SPOCK3: variants seen among roughly 807,000 people sequenced by gnomAD.
SPOCK3 encodes the protein testican-3.
Under a neutral mutation model 56.6 loss-of-function variants are expected in SPOCK3, and 30 were observed. The observed-to-expected ratio is 0.53, with a 90% CI of 0.40 to 0.72. SPOCK3 has a LOEUF of 0.72. SPOCK3 is among the 30% of genes least tolerant of loss of function. The probability of loss-of-function intolerance (pLI) is 0.00; values close to 1 mark genes in which losing one functional copy is unlikely to be tolerated. For synonymous variants in SPOCK3, 196 were observed against 183.3 expected (o/e 1.07, Z -0.56); for missense variants, 527 against 530.0 (o/e 0.99, Z 0.06).
chr4:167,131,313 C>T (rs1300014286), intron 2 of SPOCK3, among the ~76,000 whole-genome samples: 1 of 152,118 alleles, frequency 6.6e-6, no homozygotes. Flanking sequence ...TAGGACTGGG[C>T]ATGGTGGCTG....
At chr4:166,841,360 CAAAAGA>C (rs1365680257) in intron 6 of SPOCK3, among the ~76,000 whole-genome samples, 1 of 151,330 alleles carries the variant, frequency 6.6e-6, no homozygotes, top group Non-Finnish European at 1.5e-5. Flanking sequence ...TAGATGCAAG[CAAAAGA>C]AAAACAATTT....
At chr4:167,075,011 C>T (rs1486856624) in intron 2 of SPOCK3, among the ~76,000 whole-genome samples, 1 of 151,802 alleles carries the variant, frequency 6.6e-6, no homozygotes, top group East Asian at 1.9e-4. Flanking sequence ...ATTCCATTTC[C>T]ACTCTTAGTT....
chr4:167,034,256 C>T (rs912189463), intron 3 of SPOCK3, among the ~76,000 whole-genome samples: 23 of 151,394 alleles, frequency 1.5e-4, no homozygotes, highest in African/African-American at 5.6e-4. Context: ...GCAAAAAAGG[C>T]ATTCTGAAAC....
At chr4:167,018,989 C>G (rs1235047062) in intron 3 of SPOCK3, among the ~76,000 whole-genome samples, 1 of 152,022 alleles carries the variant, frequency 6.6e-6, no homozygotes, top group Non-Finnish European at 1.5e-5. Context: ...ACAAGTCTCT[C>G]CAAGTGAGCA....
At chr4:167,054,909 G>T (rs550964292) in intron 3 of SPOCK3, among the ~76,000 whole-genome samples, 1 of 151,922 alleles carries the variant, frequency 6.6e-6, no homozygotes, top group South Asian at 2.1e-4. Flanking sequence ...TGTATGTATT[G>T]GTATGCATAT....
intron 2 of SPOCK3, among the ~76,000 whole-genome samples, chr4:167,113,908 A>G (rs1761120360): frequency 6.6e-6 from 1 of 152,138 alleles, no homozygotes; most frequent in African/African-American, 2.4e-5. Flanking sequence ...ATAAGAAGCC[A>G]TTCAGGAAGG....
At chr4:166,869,194 G>A (rs1262392183) in intron 6 of SPOCK3, among the ~76,000 whole-genome samples, 1 of 131,938 alleles carries the variant, frequency 7.6e-6, no homozygotes, top group East Asian at 1.9e-4. Flanking sequence ...TAGCTAAAAG[G>A]ACAGTGCTGC....
At chr4:167,167,105 C>T (rs892379411) in intron 2 of SPOCK3, among the ~76,000 whole-genome samples, 1 of 151,924 alleles carries the variant, frequency 6.6e-6, no homozygotes, top group Non-Finnish European at 1.5e-5. Flanking sequence ...CTGTCTTTCC[C>T]GATGCAAATT....
At position 167,065,037 on chromosome 4, in the gene SPOCK3, C is replaced by CAAAAAAAAAAAAAAAAAAAAAAAAA. The variant is rs56284627; in HGVS notation, c.190-2501_190-2500insTTTTTTTTTTTTTTTTTTTTTTTTT. On this transcript the variant is annotated intron_variant, in intron 2 of 10. Transcript: ENST00000357545. ...CTATTTTCAAATCCAATGCCCTCTC[C>CAAAAAAAAAAAAAAAAAAAAAAAAA]AAAAAAAAAAAAAAAAAAAAAAAGT... 1.7e-3 allele frequency among the ~76,000 whole-genome samples: 109 copies of CAAAAAAAAAAAAAAAAAAAAAAAAA among 64,040 alleles called. 3 individuals are homozygous for CAAAAAAAAAAAAAAAAAAAAAAAAA. The highest frequency in any genetic ancestry group is 0.012 in the Middle Eastern group (1 of 86). 42.0% of individuals were successfully genotyped at this position (64,040 alleles called of 152,430 possible).
At chr4:166,908,908 A>G (rs1032398108) in intron 5 of SPOCK3, among the ~76,000 whole-genome samples, 6 of 152,174 alleles carry the variant, frequency 3.9e-5, no homozygotes, top group Admixed American at 3.9e-4. Context: ...CTTTTGTGTC[A>G]ATTTCAAGAA....
At position 166,944,177 on chromosome 4, in the gene SPOCK3, G is replaced by A. The variant is rs1031217493; in HGVS notation, c.351-31434C>T. ...ATTTTTTTTGAAAAAATTAAAAAAT[G>A]TTAAGAATTACAAAAAACATTCTTC... On this transcript the variant is annotated intron_variant, in intron 4 of 10. Coordinates refer to ENST00000357545, the MANE Select transcript of SPOCK3 (RefSeq NM_001040159.2). Among the ~76,000 whole-genome samples the A allele has an allele frequency of 4.9e-4, 75 of 152,106 alleles. 1 individual carries two copies. The highest frequency in any genetic ancestry group is 5.9e-5 in the Non-Finnish European group (4 of 67,974).
chr4:167,035,758 C>T (rs1158834432), intron 3 of SPOCK3, among the ~76,000 whole-genome samples: 1 of 152,130 alleles, frequency 6.6e-6, no homozygotes, highest in African/African-American at 2.4e-5. Flanking sequence ...AACCTTCATT[C>T]TCATCCTAAA....
Position 166,960,885 on chromosome 4 carries a change from T to C in SPOCK3, c.350+39464A>G, listed in dbSNP as rs1249125983. On this transcript the variant is annotated intron_variant, in intron 4 of 10. Transcript: ENST00000357545. The stretch of plus-strand genomic sequence containing the variant: ...ATAGTTGGAATGAAGTGGGATACGA[T>C]GTTTTAGGAAGAATCAAGGGCTGAG... 2.0e-5 allele frequency among the ~76,000 whole-genome samples: 3 copies of C among 152,164 alleles called. No homozygotes were observed. In the East Asian group the frequency reaches 5.8e-4, roughly 29 times the overall value.
chr4:166,867,101 A>T (rs905380183), intron 6 of SPOCK3, among the ~76,000 whole-genome samples: 4 of 152,056 alleles, frequency 2.6e-5, no homozygotes, highest in Non-Finnish European at 5.9e-5. Flanking sequence ...AAGAGTAAAG[A>T]AGACATCTGA....
intron 2 of SPOCK3, among the ~76,000 whole-genome samples, chr4:167,077,785 T>G (rs1012082381): frequency 6.6e-6 from 1 of 151,968 alleles, no homozygotes. Flanking sequence ...TTTGTATATT[T>G]AATTTCATTA....
chr4:166,897,259 G>A (rs10018199), intron 5 of SPOCK3, among the ~76,000 whole-genome samples: 109,894 of 151,860 alleles, frequency 0.72, 39,946 homozygotes, highest in South Asian at 0.79. Context: ...GTAGTGTTGG[G>A]GGACAAGTAC....
intron 2 of SPOCK3, among the ~76,000 whole-genome samples, chr4:167,155,062 A>G (rs991227025): frequency 5.3e-5 from 8 of 152,206 alleles, no homozygotes; most frequent in African/African-American, 1.9e-4. Context: ...GAAGTTATAT[A>G]GTATATCTAG....
intron 4 of SPOCK3, among the ~76,000 whole-genome samples, chr4:166,935,517 T>C (rs1329456650): frequency 6.6e-6 from 1 of 152,152 alleles, no homozygotes; most frequent in Non-Finnish European, 1.5e-5. Flanking sequence ...CATGAAACAA[T>C]AACAGGCTAA....
At chr4:167,147,286 A>G (rs1764041626) in intron 2 of SPOCK3, among the ~76,000 whole-genome samples, 2 of 152,166 alleles carry the variant, frequency 1.3e-5, no homozygotes, top group South Asian at 4.1e-4. Context: ...TGAATAGACC[A>G]ACAAGTTCTG....
Sources: allele counts gnomAD v4.1 joint callset (sites outside exome capture counted in the v4.1 genomes callset), GRCh38; gene constraint gnomAD v4.1.1; transcripts MANE v1.5; gene names NCBI Gene and HGNC (gene_info 2026-07-23, HGNC 2026-07-21).